NEK9: variants seen among roughly 807,000 people sequenced by gnomAD.
NEK9 encodes serine/threonine-protein kinase Nek9.
NEK9 carries 75 observed loss-of-function variants against 123.4 expected under a neutral mutation model. The ratio of observed to expected loss-of-function variants is 0.61; its 90% CI spans 0.50 to 0.74. The LOEUF (loss-of-function observed/expected upper bound fraction) is 0.74. Among genes scored for constraint, NEK9 ranks in the 30% least tolerant of loss-of-function variants. NEK9 has a pLI of 0.00. For missense variants in NEK9, 952 were observed against 1,214.4 expected (o/e 0.78, Z 3.21); for synonymous variants, 438 against 458.7 (o/e 0.95, Z 0.58).
Position 75,101,718 on chromosome 14 carries a change from C to G in NEK9, c.1779G>C (p.Gln593His), listed in dbSNP as rs1225543303. 6.2e-7 allele frequency: 1 copy of G among 1,614,126 alleles called. No individual in the cohort carries two copies. The highest frequency in any genetic ancestry group is 8.5e-7 in the Non-Finnish European group (1 of 1,179,980). The change falls in exon 15 of 22, where the codon CAG becomes CAC. Residue 593 changes from glutamine (Q) to histidine (H), a missense_variant. Around this residue, in one of 4 missense-constraint regions of NEK9, gnomAD observed 698 missense variants for 875.6 expected, o/e 0.80. Transcript: ENST00000238616. ...TGGTACGGATCTTATAAAAGGACAA[C>G]TGTTTGGCCAAGGTAAAGGACGTTG... ...PYTTSFTLAK[Q>H]LSFYKIRTIA...
rs146130001 is a variant in NEK9 at position 75,092,547 on chromosome 14, G to A, written c.2234-1069C>T. Among the ~76,000 whole-genome samples, 297 of 152,360 alleles carry A rather than the reference G, an allele frequency of 1.9e-3. 2 individuals carry two copies. The highest frequency in any genetic ancestry group is 6.6e-3 in the African/African-American group (274 of 41,586). ...CTCCCAAAGTGCTGGGATTACAGGC[G>A]TCAGCCACTGCGCCCGGCCAATTCT... On this transcript the variant is annotated intron_variant, in intron 18 of 21. Coordinates refer to ENST00000238616, the MANE Select transcript of NEK9 (RefSeq NM_033116.6).
rs1169963490 is a variant in NEK9 at position 75,115,874 on chromosome 14, T to TA, written c.762+1320dup. Among the ~76,000 whole-genome samples the TA allele has an allele frequency of 3.3e-5, 5 of 151,946 alleles. No homozygotes were observed. The East Asian group carries it at 9.6e-4, about 29-fold the overall frequency. ...ATATCAGGTTGTACTTTAATTTACT[T>TA]AAAAAAAGAAAAAAAGACTTAAAGG... On this transcript the variant is annotated intron_variant, in intron 6 of 21. Coordinates refer to ENST00000238616, the MANE Select transcript of NEK9 (RefSeq NM_033116.6).
At position 75,091,327 on chromosome 14, in the gene NEK9, T is replaced by C. The variant is rs140661298; in HGVS notation, c.2385A>G (p.Thr795=). The change falls in exon 19 of 22, where the codon ACA becomes ACG. Residue 795 remains threonine (T), a synonymous_variant. Transcript: ENST00000238616. ...DRGMEGLISP[T]EAMGNSNGAS... ...CCCCATTACTGTTCCCCATGGCCTC[T>C]GTGGGACTGATTAAACCTTCCATTC... 2,062 of 1,614,078 alleles carry C rather than the reference T, an allele frequency of 1.3e-3. 2 individuals are homozygous for C. The highest frequency in any genetic ancestry group is 1.6e-3 in the Non-Finnish European group (1,919 of 1,179,996).
chr14:75,102,901 G>A (rs903913724), intron 14 of NEK9, among the ~76,000 whole-genome samples: 6 of 152,140 alleles, frequency 3.9e-5, no homozygotes, highest in Admixed American at 3.9e-4. Flanking sequence ...TAGGGATATG[G>A]ATGAATCTGG....
chr14:75,099,542 G>A (rs1488119744), intron 16 of NEK9, among the ~76,000 whole-genome samples: 1 of 152,062 alleles, frequency 6.6e-6, no homozygotes, highest in Non-Finnish European at 1.5e-5. Context: ...AGCACTTTCG[G>A]AGGCCAAGGC....
chr14:75,112,745 C>A (rs757529009), intron 8 of NEK9, among the ~76,000 whole-genome samples: 1 of 152,154 alleles, frequency 6.6e-6, no homozygotes, highest in Non-Finnish European at 1.5e-5. Flanking sequence ...TCACTTGCAG[C>A]AGAAGTTCAA....
upstream of NEK9, chr14:75,127,082 G>A (rs1895567704): frequency 3.5e-6 from 2 of 576,702 alleles, no homozygotes; most frequent in African/African-American, 4.0e-5. Context: ...ACAGTTCTCT[G>A]TGTTTCCGGC....
intron 6 of NEK9, chr14:75,116,742 C>A (rs1285534221): frequency 5.8e-6 from 1 of 172,478 alleles, no homozygotes; most frequent in Non-Finnish European, 1.2e-5. Context: ...ATCATTTCAA[C>A]AGGGAATTCA....
At chr14:75,096,986 A>G in intron 17 of NEK9, 114 bp downstream of exon 17, 1 of 984,764 alleles carries the variant, frequency 1.0e-6, no homozygotes, top group Non-Finnish European at 1.4e-6. Context: ...TACAAGACTT[A>G]CAGAAATGGC....
intron 5 of NEK9, among the ~76,000 whole-genome samples, chr14:75,118,372 T>C (rs175456): frequency 1 from 152,141 of 152,348 alleles, 75,967 homozygotes; most frequent in Middle Eastern, 1. Context: ...CTCAAAATCA[T>C]GTGAGAAGGG....
intron 17 of NEK9, among the ~76,000 whole-genome samples, chr14:75,095,801 G>A (rs1894362687): frequency 6.6e-6 from 1 of 151,874 alleles, no homozygotes; most frequent in African/African-American, 2.4e-5. Flanking sequence ...CAGGTGAGAG[G>A]ATCAATTGAG....
At position 75,103,669 on chromosome 14, in the gene NEK9, T is replaced by C. The variant is rs541477478; in HGVS notation, c.1731+173A>G. On this transcript the variant is annotated intron_variant, in intron 14 of 21. Transcript: ENST00000238616. ...TGCCTGTTCTTAAATTTTACACAGA[T>C]AGAGCTATATAGCATGTACTCTTTG... Among the ~76,000 whole-genome samples the C allele has an allele frequency of 9.8e-5, 15 of 152,354 alleles. No individual in the cohort carries two copies. The East Asian group carries it at 2.9e-3, about 29-fold the overall frequency.
chr14:75,088,140 C>T (rs1894085761), intron 20 of NEK9, among the ~76,000 whole-genome samples: 1 of 152,190 alleles, frequency 6.6e-6, no homozygotes, highest in Admixed American at 6.5e-5. Context: ...TGCTTCCTCA[C>T]TAGACTACCA....
At position 75,082,224 on chromosome 14, in the gene NEK9, T is replaced by TA. The variant is rs776881250; in HGVS notation, c.*2339dup. 10 of 152,184 alleles carry TA rather than the reference T, an allele frequency of 6.6e-5. No homozygotes were observed. Among genetic ancestry groups the TA allele is most frequent in the African/African-American group, 9.7e-5 (4 of 41,440 alleles). 9.4% of individuals were successfully genotyped at this position (152,184 alleles called of 1,614,324 possible). A position where few individuals can be genotyped will look rare whatever the true frequency, so the allele number is the denominator to read the frequency against. On this transcript the variant is annotated 3_prime_UTR_variant, in exon 22 of 22. Transcript: ENST00000238616. ...TAAACTAGTTCTTCTGCAACAATGT[T>TA]AGAGCAGAGGAGTAACTCAGGTTAT... is the stretch of plus-strand genomic sequence containing the variant.
intron 19 of NEK9, among the ~76,000 whole-genome samples, chr14:75,089,155 C>T (rs1894125426): frequency 6.6e-6 from 1 of 152,064 alleles, no homozygotes; most frequent in Non-Finnish European, 1.5e-5. Context: ...TAGTCCTGAC[C>T]TTTGGGACTC....
At chr14:75,094,270 G>A (rs1017984030) in intron 18 of NEK9, among the ~76,000 whole-genome samples, 3 of 152,178 alleles carry the variant, frequency 2.0e-5, no homozygotes, top group Non-Finnish European at 4.4e-5. Flanking sequence ...TTGATTGACC[G>A]ATTGTTTATG....
chr14:75,101,673 G>A lies in NEK9; in HGVS notation c.1824C>T (p.His608=). The A allele has an allele frequency of 1.9e-6, 3 of 1,612,328 alleles. No homozygotes were observed. The highest frequency in any genetic ancestry group is 2.5e-6 in the Non-Finnish European group (3 of 1,178,376). The change falls in exon 15 of 22, where the codon CAC becomes CAT. Residue 608 remains histidine, a synonymous_variant. Coordinates refer to ENST00000238616, the MANE Select transcript of NEK9 (RefSeq NM_033116.6). Reference sequence around the variant, plus strand: ...TCAACTTACCATCAATAGCAGCTGTGTGAGTCTTGCCTGGGGCAATGGTAC... The same window carrying A: ...TCAACTTACCATCAATAGCAGCTGTATGAGTCTTGCCTGGGGCAATGGTAC... The part of the protein sequence containing the change: ...KIRTIAPGKT[H]TAAIDERGRL...
At chr14:75,115,630 C>A (rs186171403) in intron 6 of NEK9, among the ~76,000 whole-genome samples, 231 of 152,272 alleles carry the variant, frequency 1.5e-3, no homozygotes, top group African/African-American at 5.3e-3. Context: ...AACAGAGGAT[C>A]AAAGAGATGA....
chr14:75,105,336 C>G (rs1486318831), intron 13 of NEK9, among the ~76,000 whole-genome samples: 2 of 151,730 alleles, frequency 1.3e-5, no homozygotes, highest in Non-Finnish European at 2.9e-5. Flanking sequence ...ACAGAAAACC[C>G]AAAACACTGC....
Sources: allele counts gnomAD v4.1 joint callset (sites outside exome capture counted in the v4.1 genomes callset), GRCh38; gene constraint gnomAD v4.1.1; regional missense constraint gnomAD v4.1.1; transcripts MANE v1.5; gene names NCBI Gene and HGNC (gene_info 2026-07-23, HGNC 2026-07-21).